Variants in TBX15 observed in about 807,000 individuals in gnomAD.
TBX15 encodes the protein T-box transcription factor 15.
In TBX15, 18 loss-of-function variants were observed where a neutral mutation model predicts 53.9. That is an observed-to-expected ratio of 0.33 (90% CI 0.23 to 0.49). The LOEUF (loss-of-function observed/expected upper bound fraction) is 0.49. TBX15 is among the 20% of genes least tolerant of loss of function. The pLI is 0.98. For missense variants in TBX15, 692 were observed against 749.5 expected (o/e 0.92, Z 0.90); for synonymous variants, 295 against 278.0 (o/e 1.06, Z -0.61).
chr1:118,892,044 T>C (rs1430604048), intron 7 of TBX15, among the ~76,000 whole-genome samples: 1 of 152,170 alleles, frequency 6.6e-6, no homozygotes, highest in Non-Finnish European at 1.5e-5. Flanking sequence ...GACTAGACTA[T>C]GAACCACTTT....
intron 7 of TBX15, among the ~76,000 whole-genome samples, chr1:118,890,552 A>C (rs974026058): frequency 2.0e-5 from 3 of 152,188 alleles, no homozygotes; most frequent in African/African-American, 7.2e-5. Context: ...AAATTGCTCC[A>C]ATATCCAAGG....
At chr1:118,969,032 T>C (rs2765535) in intron 1 of TBX15, among the ~76,000 whole-genome samples, 6 of 152,290 alleles carry the variant, frequency 3.9e-5, no homozygotes, top group African/African-American at 1.4e-4. Context: ...GTTAACAAGA[T>C]CTGGGTTAGA....
chr1:118,924,585 C>T, intron 4 of TBX15, 61 bp downstream of exon 4: 1 of 1,603,444 alleles, frequency 6.2e-7, no homozygotes, highest in Non-Finnish European at 8.5e-7. Flanking sequence ...CTGGGGCTAG[C>T]CAGCTCTAAA....
chr1:118,989,248 C>T (rs114474679), upstream of TBX15: 1 of 152,294 alleles, frequency 6.6e-6, no homozygotes, highest in East Asian at 1.9e-4. Context: ...CAGCTGATCT[C>T]CCCCCTGGCC....
intron 7 of TBX15, among the ~76,000 whole-genome samples, chr1:118,887,636 T>A (rs1481147038): frequency 6.6e-6 from 1 of 150,840 alleles, no homozygotes; most frequent in African/African-American, 2.5e-5. Context: ...GATAGTGCCA[T>A]TGCACGCTGG....
intron 5 of TBX15, among the ~76,000 whole-genome samples, chr1:118,916,326 G>A (rs1557882627): frequency 6.6e-6 from 1 of 152,186 alleles, no homozygotes; most frequent in Non-Finnish European, 1.5e-5. Flanking sequence ...GACAGCATGT[G>A]AGCTAGGCCT....
chr1:118,967,504 T>C (rs1657068468), intron 1 of TBX15, among the ~76,000 whole-genome samples: 1 of 152,186 alleles, frequency 6.6e-6, no homozygotes, highest in South Asian at 2.1e-4. Context: ...CTGACAAAGA[T>C]AGCTATATTC....
intron 6 of TBX15, among the ~76,000 whole-genome samples, chr1:118,913,058 G>T (rs1002005003): frequency 1.3e-5 from 2 of 152,162 alleles, no homozygotes; most frequent in African/African-American, 4.8e-5. Flanking sequence ...TAAAGAAAAT[G>T]ATTGCCATAA....
chr1:118,924,614 A>G, intron 4 of TBX15, 32 bp downstream of exon 4: 1 of 1,613,746 alleles, frequency 6.2e-7, no homozygotes, highest in Non-Finnish European at 8.5e-7. Flanking sequence ...AGGAAGAGAG[A>G]AAGAAAGGGG....
intron 6 of TBX15, among the ~76,000 whole-genome samples, chr1:118,900,856 C>T (rs1654606473): frequency 6.6e-6 from 1 of 152,102 alleles, no homozygotes; most frequent in Admixed American, 6.5e-5. Flanking sequence ...GAATGTTGGC[C>T]ACCCACCAGA....
chr1:118,905,716 G>A (rs1399745672), intron 6 of TBX15, among the ~76,000 whole-genome samples: 1 of 152,202 alleles, frequency 6.6e-6, no homozygotes, highest in Non-Finnish European at 1.5e-5. Flanking sequence ...AGAGTGCCAG[G>A]AAAGAGTAGA....
At chr1:118,918,565 G>C (rs930790129) in intron 5 of TBX15, among the ~76,000 whole-genome samples, 1 of 152,160 alleles carries the variant, frequency 6.6e-6, no homozygotes, top group African/African-American at 2.4e-5. Flanking sequence ...TCCAAACTTT[G>C]TCCAGTGATA....
intron 6 of TBX15, among the ~76,000 whole-genome samples, chr1:118,901,822 C>T (rs1654639303): frequency 6.6e-6 from 1 of 152,260 alleles, no homozygotes; most frequent in South Asian, 2.1e-4. Context: ...GCATTTCCCA[C>T]AAGGAGTCCA....
At chr1:118,948,622 G>A (rs1329968597) in intron 1 of TBX15, among the ~76,000 whole-genome samples, 2 of 152,166 alleles carry the variant, frequency 1.3e-5, no homozygotes, top group East Asian at 1.9e-4. Flanking sequence ...TTACCCCACA[G>A]AGTCACTGTT....
intron 6 of TBX15, among the ~76,000 whole-genome samples, chr1:118,901,220 C>G (rs1226649103): frequency 7.2e-5 from 11 of 152,160 alleles, no homozygotes; most frequent in Admixed American, 7.2e-4. Context: ...AGTCCAAGAG[C>G]AAGGTGCTGG....
At position 118,884,946 on chromosome 1, in the gene TBX15, G is replaced by A. The variant is rs1653878639; in HGVS notation, c.1595C>T (p.Pro532Leu). The A allele has an allele frequency of 9.3e-6, 15 of 1,614,136 alleles. No individual in the cohort carries two copies. Among genetic ancestry groups the A allele is most frequent in the Non-Finnish European group, 1.2e-5 (14 of 1,180,030 alleles). ...GCTTTGAGAGGCGCTCAGTTTTTCC[G>A]GGCTTGCAGCTAGCCTAGGGGAAGT... ...FPTSPRLAASPEKLSASQSTL... is the reference protein window; with the variant it reads ...FPTSPRLAASLEKLSASQSTL... Residue 532 changes from proline (P) to leucine (L), a missense_variant, in exon 8 of 8, where the codon CCG (proline) becomes CTG (leucine). Physicochemically the swap from Pro to Leu is moderately conservative, Grantham distance 98 (BLOSUM62 -3). Coordinates refer to ENST00000369429, the MANE Select transcript of TBX15 (RefSeq NM_001330677.2).
At chr1:118,886,038 A>C (rs1310375005) in intron 7 of TBX15, among the ~76,000 whole-genome samples, 1 of 152,144 alleles carries the variant, frequency 6.6e-6, no homozygotes, top group South Asian at 2.1e-4. Context: ...TCACAGAGGA[A>C]ATGGGGTAAT....
At chr1:118,899,934 T>A (rs75112015) in intron 6 of TBX15, among the ~76,000 whole-genome samples, 6,844 of 152,200 alleles carry the variant, frequency 0.045, 519 homozygotes, top group African/African-American at 0.16. Flanking sequence ...GCATACTGTC[T>A]TTTTACCCTT....
intron 1 of TBX15, among the ~76,000 whole-genome samples, chr1:118,946,269 A>G (rs1656345425): frequency 6.6e-6 from 1 of 152,128 alleles, no homozygotes; most frequent in Non-Finnish European, 1.5e-5. Flanking sequence ...AAAATTTATT[A>G]TATAAAATAT....
Sources: allele counts gnomAD v4.1 joint callset (sites outside exome capture counted in the v4.1 genomes callset), GRCh38; gene constraint gnomAD v4.1.1; transcripts MANE v1.5; gene names NCBI Gene and HGNC (gene_info 2026-07-23, HGNC 2026-07-21).